Variants in RNLS observed in about 807,000 individuals in gnomAD.
RNLS encodes renalase.
In RNLS, 39 loss-of-function variants were observed where a neutral mutation model predicts 39.8. The ratio of observed to expected loss-of-function variants is 0.98; its 90% confidence interval spans 0.76 to 1.28. The LOEUF (loss-of-function observed/expected upper bound fraction) is 1.28. Ranked by LOEUF, RNLS falls within the 50% of genes most tolerant of loss-of-function variation. RNLS has a pLI of 0.00. For synonymous variants in RNLS, 147 were observed against 150.7 expected (o/e 0.98, Z 0.18); for missense variants, 410 against 413.3 (o/e 0.99, Z 0.07).
intron 4 of RNLS, among the ~76,000 whole-genome samples, chr10:88,363,591 G>A (rs1487211927): frequency 6.6e-6 from 1 of 151,966 alleles, no homozygotes; most frequent in Non-Finnish European, 1.5e-5. Flanking sequence ...TTGTTTATAG[G>A]TCCCTACCCT....
the RNLS span, among the ~76,000 whole-genome samples, chr10:88,204,524 T>C: frequency 6.6e-6 from 1 of 152,148 alleles, no homozygotes; most frequent in East Asian, 1.9e-4. Flanking sequence ...GCCAATTAGA[T>C]TTCAGATGAA....
chr10:88,260,101 C>G, the RNLS span, among the ~76,000 whole-genome samples: 1 of 152,164 alleles, frequency 6.6e-6, no homozygotes, highest in African/African-American at 2.4e-5. Context: ...GTATGAAATT[C>G]TAACAGTACC....
chr10:88,448,351 A>T (rs1423196347), intron 4 of RNLS, among the ~76,000 whole-genome samples: 2 of 152,252 alleles, frequency 1.3e-5, no homozygotes, highest in African/African-American at 2.4e-5. Context: ...ATATGAACAG[A>T]CACTTCTCAA....
chr10:88,490,280 G>C (rs1844808420), intron 4 of RNLS, among the ~76,000 whole-genome samples: 1 of 152,118 alleles, frequency 6.6e-6, no homozygotes. Context: ...AATAGTCTGA[G>C]GTTATCTTAA....
chr10:88,573,869 G>A (rs751514120), intron 3 of RNLS, among the ~76,000 whole-genome samples: 1 of 152,092 alleles, frequency 6.6e-6, no homozygotes, highest in Non-Finnish European at 1.5e-5. Flanking sequence ...GGCCAGGCAC[G>A]GTGGCTCACA....
In RNLS at chr10:88,310,295, G is replaced by A. The variant is rs144977366; in HGVS notation, c.876+4171C>T. 3.1e-4 allele frequency among the ~76,000 whole-genome samples: 47 copies of A among 152,230 alleles called. 7 individuals are homozygous for A. The East Asian group carries it at 9.1e-3, about 29-fold the overall frequency. On this transcript the variant is annotated intron_variant, in intron 6 of 6. Transcript: ENST00000331772. ...CAACAATATGCCAAGACTGGGCCAC[G>A]AGAGACTCTTGATTTATTCAGGTAA...
At chr10:88,205,662 A>C in the RNLS span, among the ~76,000 whole-genome samples, 15 of 152,156 alleles carry the variant, frequency 9.9e-5, no homozygotes, top group Non-Finnish European at 2.2e-4. Flanking sequence ...GTGGCACTCA[A>C]GTTTTAACTG....
intron 4 of RNLS, among the ~76,000 whole-genome samples, chr10:88,375,556 G>A (rs1276080805): frequency 6.6e-6 from 1 of 152,152 alleles, no homozygotes; most frequent in African/African-American, 2.4e-5. Flanking sequence ...ATTTCTATGG[G>A]AACACCCATT....
chr10:88,410,907 T>C (rs528628704), intron 4 of RNLS, among the ~76,000 whole-genome samples: 79 of 152,304 alleles, frequency 5.2e-4, no homozygotes, highest in Non-Finnish European at 1.0e-3. Flanking sequence ...TTCTTGTGTA[T>C]TGAGGTACTT....
At chr10:88,256,627 G>C in the RNLS span, among the ~76,000 whole-genome samples, 1 of 152,188 alleles carries the variant, frequency 6.6e-6, no homozygotes, top group Admixed American at 6.5e-5. Context: ...GATAAACATG[G>C]AGGCTGTATC....
chr10:88,207,183 A>T, the RNLS span, among the ~76,000 whole-genome samples: 2 of 152,190 alleles, frequency 1.3e-5, no homozygotes, highest in South Asian at 2.1e-4. Context: ...AGATAAGTGG[A>T]ACTTCAGCAA....
chr10:88,521,023 C>T (rs1021898503), intron 4 of RNLS, among the ~76,000 whole-genome samples: 1 of 151,964 alleles, frequency 6.6e-6, no homozygotes, highest in Admixed American at 6.6e-5. Flanking sequence ...AAATTTCTTC[C>T]ATCCAGTCAT....
chr10:88,254,483 G>A, the RNLS span, among the ~76,000 whole-genome samples: 9 of 152,338 alleles, frequency 5.9e-5, no homozygotes, highest in Middle Eastern at 0.01. Context: ...AGAAGAAGCT[G>A]AGAGAGGAGA....
chr10:88,344,871 T>A (rs1472792333), intron 5 of RNLS, among the ~76,000 whole-genome samples: 1 of 152,152 alleles, frequency 6.6e-6, no homozygotes, highest in Non-Finnish European at 1.5e-5. Context: ...TTAATGGAAT[T>A]TCAAGAGATT....
chr10:88,305,515 A>G (rs910650129), intron 6 of RNLS, among the ~76,000 whole-genome samples: 3 of 152,202 alleles, frequency 2.0e-5, no homozygotes, highest in Admixed American at 6.5e-5. Flanking sequence ...GGAAAAGAGA[A>G]GAAAGCAGGG....
Position 88,285,190 on chromosome 10 carries a change from A to G in RNLS, c.*164T>C, listed in dbSNP as rs1843180477. The G allele has an allele frequency of 7.4e-7, 1 of 1,347,488 alleles. No individual in the cohort carries two copies. Among genetic ancestry groups the G allele is most frequent in the African/African-American group, 1.5e-5 (1 of 67,542 alleles). The allele number at this position is 1,347,488 out of a possible 1,614,324, so 83.5% of individuals were successfully genotyped here. On this transcript the variant is annotated 3_prime_UTR_variant, in exon 7 of 7. Transcript: ENST00000331772. ...TTCCATTCTAGCATGGGTTGTAACT[A>G]TCAAAATTACAAAATTGATTTTATA...
At chr10:88,173,495 G>A in the RNLS span, among the ~76,000 whole-genome samples, 2 of 152,096 alleles carry the variant, frequency 1.3e-5, no homozygotes, top group African/African-American at 2.4e-5. Flanking sequence ...CATTTTAGGA[G>A]TTTCTTTTTT....
intron 6 of RNLS, among the ~76,000 whole-genome samples, chr10:88,311,100 A>C (rs1039407323): frequency 6.6e-6 from 1 of 152,188 alleles, no homozygotes; most frequent in Non-Finnish European, 1.5e-5. Flanking sequence ...AGGTAAGGAA[A>C]AGGGCCACTC....
chr10:88,500,712 C>T (rs1043629013), intron 4 of RNLS, among the ~76,000 whole-genome samples: 3 of 152,078 alleles, frequency 2.0e-5, no homozygotes, highest in Admixed American at 6.6e-5. Flanking sequence ...TAATAACTTT[C>T]GATCATTAGT....
Sources: allele counts gnomAD v4.1 joint callset (sites outside exome capture counted in the v4.1 genomes callset), GRCh38; gene constraint gnomAD v4.1.1; transcripts MANE v1.5; gene names NCBI Gene and HGNC (gene_info 2026-07-23, HGNC 2026-07-21).